Variants in ASTN2 observed in about 807,000 individuals in gnomAD.
ASTN2 encodes the protein astrotactin-2.
In ASTN2, 54 loss-of-function variants were observed where a neutral mutation model predicts 139.8. The observed-to-expected ratio is 0.39, with a 90% CI of 0.31 to 0.48. The LOEUF is 0.48. Ranked by LOEUF, ASTN2 falls within the 20% of genes least tolerant of loss-of-function variation. The pLI, the probability that ASTN2 is intolerant of heterozygous loss-of-function variation, is 0.95. For synonymous variants in ASTN2, 756 were observed against 719.5 expected, an observed-to-expected ratio of 1.05 and a Z score of -0.81; for missense variants, 1,565 against 1,725.1, an observed-to-expected ratio of 0.91 and a Z score of 1.64.
At chr9:116,867,818 G>T (rs1298945302) in intron 10 of ASTN2, among the ~76,000 whole-genome samples, 3 of 152,174 alleles carry the variant, frequency 2.0e-5, no homozygotes, top group Admixed American at 6.5e-5. Flanking sequence ...CAAGAGAAGT[G>T]ATTGTGTCAG....
chr9:117,090,663 G>A (rs1441827424), intron 5 of ASTN2, among the ~76,000 whole-genome samples: 1 of 152,162 alleles, frequency 6.6e-6, no homozygotes, highest in East Asian at 1.9e-4. Context: ...ACCTTCCACT[G>A]GGTGCTTACT....
At chr9:116,663,555 T>G (rs1241837337) in intron 16 of ASTN2, among the ~76,000 whole-genome samples, 2 of 152,170 alleles carry the variant, frequency 1.3e-5, no homozygotes, top group Non-Finnish European at 2.9e-5. Context: ...GAAAACATGT[T>G]CAAGATTGAG....
chr9:116,489,108 G>T (rs564289893), intron 19 of ASTN2, among the ~76,000 whole-genome samples: 25 of 152,176 alleles, frequency 1.6e-4, no homozygotes, highest in Non-Finnish European at 3.2e-4. Flanking sequence ...ACCAGAAAAG[G>T]GTGCCAGCTC....
At chr9:116,703,420 G>C (rs1588225043) in intron 16 of ASTN2, among the ~76,000 whole-genome samples, 1 of 152,050 alleles carries the variant, frequency 6.6e-6, no homozygotes, top group South Asian at 2.1e-4. Flanking sequence ...TTTCTCCCAT[G>C]TTGTAGGGAC....
At chr9:116,784,929 CAA>C (rs58241855) in intron 13 of ASTN2, among the ~76,000 whole-genome samples, 38,761 of 104,652 alleles carry the variant, frequency 0.37, 6,246 homozygotes, top group East Asian at 0.76. Flanking sequence ...AACTCCGCCT[CAA>C]AAAAAAAAAA....
At chr9:117,171,598 G>A (rs1434252871) in intron 3 of ASTN2, among the ~76,000 whole-genome samples, 4 of 152,146 alleles carry the variant, frequency 2.6e-5, no homozygotes, top group East Asian at 1.9e-4. Flanking sequence ...TCATGGGATC[G>A]GTTTCCCCCA....
chr9:117,183,346 C>T (rs1325040305), intron 3 of ASTN2, among the ~76,000 whole-genome samples: 1 of 152,170 alleles, frequency 6.6e-6, no homozygotes, highest in African/African-American at 2.4e-5. Context: ...ATAAAGCACC[C>T]GATCTATCTG....
intron 2 of ASTN2, among the ~76,000 whole-genome samples, chr9:117,239,651 G>A (rs930807485): frequency 6.6e-6 from 1 of 152,190 alleles, no homozygotes; most frequent in Non-Finnish European, 1.5e-5. Context: ...GAAAGCCTAG[G>A]AGAACCATTT....
At chr9:116,572,976 C>T (rs925093162) in intron 19 of ASTN2, among the ~76,000 whole-genome samples, 4 of 151,872 alleles carry the variant, frequency 2.6e-5, no homozygotes, top group Admixed American at 6.6e-5. Context: ...GCTGTGTGCA[C>T]ACATGTGGGT....
intron 3 of ASTN2, among the ~76,000 whole-genome samples, chr9:117,174,641 G>C (rs1312993702): frequency 6.6e-6 from 1 of 150,580 alleles, no homozygotes; most frequent in African/African-American, 2.4e-5. Context: ...CGTAAGGATA[G>C]TTTACTAATA....
chr9:116,827,220 A>G (rs1831658095), intron 11 of ASTN2, among the ~76,000 whole-genome samples: 1 of 151,476 alleles, frequency 6.6e-6, no homozygotes, highest in Admixed American at 6.6e-5. Context: ...GAGGCAAGAG[A>G]ATCTCTTGAA....
intron 1 of ASTN2, among the ~76,000 whole-genome samples, chr9:117,366,675 GC>G (rs1829852441): frequency 6.6e-6 from 1 of 152,060 alleles, no homozygotes; most frequent in African/African-American, 2.4e-5. Context: ...TGGTGTCTGA[GC>G]TCCTGCACCC....
At chr9:116,510,162 C>T (rs1457599385) in intron 19 of ASTN2, among the ~76,000 whole-genome samples, 1 of 152,140 alleles carries the variant, frequency 6.6e-6, no homozygotes, top group East Asian at 1.9e-4. Context: ...AGTCTTTAAT[C>T]CATCTTGAAT....
intron 4 of ASTN2, among the ~76,000 whole-genome samples, chr9:117,105,995 G>A (rs1266676020): frequency 1.3e-5 from 2 of 152,174 alleles, no homozygotes; most frequent in African/African-American, 2.4e-5. Context: ...GCAGAGCAGA[G>A]AGGAGAATAT....
chr9:117,149,507 G>A (rs2132876295), intron 3 of ASTN2, among the ~76,000 whole-genome samples: 1 of 152,166 alleles, frequency 6.6e-6, no homozygotes, highest in Middle Eastern at 3.4e-3. Context: ...TGCAACCTCA[G>A]TTTGTGTCCT....
At chr9:116,748,232 G>A (rs541829720) in intron 13 of ASTN2, among the ~76,000 whole-genome samples, 177 of 152,274 alleles carry the variant, frequency 1.2e-3, no homozygotes, top group Non-Finnish European at 1.7e-3. Context: ...TGCCCCAGAA[G>A]CTAAACACAA....
chr9:117,259,375 T>C (rs995006986), intron 2 of ASTN2, among the ~76,000 whole-genome samples: 1 of 152,108 alleles, frequency 6.6e-6, no homozygotes, highest in Non-Finnish European at 1.5e-5. Context: ...ATTTCAAAGT[T>C]AACCTGAAAA....
chr9:116,856,244 C>T (rs950908537), intron 11 of ASTN2, among the ~76,000 whole-genome samples: 2 of 152,202 alleles, frequency 1.3e-5, no homozygotes, highest in East Asian at 1.9e-4. Context: ...ATCTATCATA[C>T]CCCATGTGGC....
intron 6 of ASTN2, among the ~76,000 whole-genome samples, chr9:117,017,319 T>C (rs1416236231): frequency 2.6e-5 from 4 of 152,282 alleles, no homozygotes; most frequent in African/African-American, 9.6e-5. Context: ...AATTTTAGTG[T>C]TGGATTTCTT....
Sources: allele counts gnomAD v4.1 joint callset (sites outside exome capture counted in the v4.1 genomes callset), GRCh38; gene constraint gnomAD v4.1.1; transcripts MANE v1.5; gene names NCBI Gene and HGNC (gene_info 2026-07-23, HGNC 2026-07-21).